Variants in CLK3 observed in about 807,000 individuals in gnomAD.
CLK3 encodes the protein CDC like kinase 3.
CLK3 carries 24 observed loss-of-function variants against 65.2 expected under a neutral mutation model. That is an observed-to-expected ratio of 0.37 (90% confidence interval 0.27 to 0.52). CLK3 has a LOEUF of 0.52. CLK3 is among the 20% of genes least tolerant of loss of function. The pLI, the probability that CLK3 is intolerant of heterozygous loss-of-function variation, is 0.92. For synonymous variants in CLK3, 252 were observed against 240.8 expected (o/e 1.05, Z -0.43); for missense variants, 506 against 660.0 (o/e 0.77, Z 2.56).
chr15:74,629,428 G>A (rs534169590), intron 12 of CLK3: 16 of 548,114 alleles, frequency 2.9e-5, no homozygotes, highest in East Asian at 2.2e-4. Context: ...AGTGAATTTC[G>A]CAGAGGTGAT....
At chr15:74,617,127 A>G (rs543088155) in intron 1 of CLK3, among the ~76,000 whole-genome samples, 1 of 152,310 alleles carries the variant, frequency 6.6e-6, no homozygotes, top group South Asian at 2.1e-4. Context: ...GTGGTACCTT[A>G]TAACTCTCAT....
chr15:74,624,898 C>T lies in CLK3; in HGVS notation c.534-4C>T, dbSNP rs895666393. On this transcript the variant is annotated splice_region_variant and splice_polypyrimidine_tract_variant and intron_variant, in intron 5 of 12. Transcript: ENST00000395066. The surrounding 1 kb of genome is among the most constrained non-coding windows in gnomAD (Gnocchi z 4.2). ...AGAACCTCTGTTTCCTTCCCGGGTA[C>T]CAGAGGGAAGTCTCAGGTTGCCCTG... The T allele has an allele frequency of 5.6e-6, 9 of 1,596,640 alleles. No individual in the cohort carries two copies. In the East Asian group the frequency reaches 2.0e-4, roughly 36 times the overall value.
At position 74,627,310 on chromosome 15, in the gene CLK3, G is replaced by C; in HGVS notation, c.818-42G>C. ...TGGCCTAGAGCTGGCAGGAGAGCCA[G>C]CTTCTCAGTGCCTACTTCCCCTTCT... On this transcript the variant is annotated intron_variant, in intron 7 of 12. Coordinates refer to ENST00000395066, the MANE Select transcript of CLK3 (RefSeq NM_001130028.2). This position sits in a 1 kb window ranked among gnomAD's most constrained non-coding sequence, Gnocchi z 4.3. The C allele has an allele frequency of 6.6e-7, 1 of 1,523,666 alleles. No individual in the cohort carries two copies. The highest frequency in any genetic ancestry group is 9.1e-7 in the Non-Finnish European group (1 of 1,097,950). The allele number at this position is 1,523,666 out of a possible 1,614,324, so 94.4% of individuals were successfully genotyped here. A position where few individuals can be genotyped will look rare whatever the true frequency, so the allele number is the denominator to read the frequency against.
chr15:74,619,937 C>A, intron 2 of CLK3, 72 bp from the exon 3 acceptor site: 2 of 1,604,584 alleles, frequency 1.2e-6, no homozygotes, highest in Admixed American at 1.7e-5. Context: ...TTTACAGTGG[C>A]CTTACCACAG....
chr15:74,615,427 T>G, upstream of CLK3: 1 of 1,267,784 alleles, frequency 7.9e-7, no homozygotes, highest in East Asian at 3.1e-5. Flanking sequence ...CTCAGGCCGC[T>G]CTCGCGCTCT....
chr15:74,629,104 G>GAGAC, intron 12 of CLK3, 72 bp downstream of exon 12: 1 of 1,170,054 alleles, frequency 8.5e-7, no homozygotes, highest in South Asian at 1.2e-5. Context: ...ACATACAGCA[G>GAGAC]AGACAGGCCA....
chr15:74,622,806 C>T lies in CLK3; in HGVS notation c.533+246C>T, dbSNP rs1389422313. Among the ~76,000 whole-genome samples, 1 of 152,204 alleles carries T rather than the reference C, an allele frequency of 6.6e-6. No individual in the cohort carries two copies. The highest frequency in any genetic ancestry group is 1.5e-5 in the Non-Finnish European group (1 of 68,040). ...AATTGTTGGTCAGTGAAAGGTTCTG[C>T]TCCAATCTCTTCACTTCTCCAGGGC... is the stretch of plus-strand genomic sequence containing the variant. On this transcript the variant is annotated intron_variant, in intron 5 of 12. Transcript: ENST00000395066. The surrounding 1 kb of genome is among the most constrained non-coding windows in gnomAD (Gnocchi z 4.6).
At chr15:74,615,820 G>A, upstream of CLK3, 2 of 1,247,230 alleles carry the variant, frequency 1.6e-6, no homozygotes, top group South Asian at 3.4e-5. Flanking sequence ...GGCTGCCACG[G>A]GCGGAGGTCG....
Position 74,621,718 on chromosome 15 carries a change from C to G in CLK3, c.370-402C>G, listed in dbSNP as rs2062105014. ...CATCTTCCGCTCTGGCCCAAAGCCA[C>G]ATGGGAGGGTCTGGGAGGGAGAGAC... On this transcript the variant is annotated intron_variant, in intron 3 of 12. Transcript: ENST00000395066. The surrounding 1 kb of genome is among the most constrained non-coding windows in gnomAD (Gnocchi z 4.8). The G allele has an allele frequency of 2.9e-6, 1 of 345,908 alleles. No homozygotes were observed. Among genetic ancestry groups the G allele is most frequent in the South Asian group, 2.2e-5 (1 of 44,770 alleles). 21.4% of individuals were successfully genotyped at this position (345,908 alleles called of 1,614,324 possible).
chr15:74,623,158 A>C (rs956814767), intron 5 of CLK3, among the ~76,000 whole-genome samples: 1 of 152,212 alleles, frequency 6.6e-6, no homozygotes, highest in Non-Finnish European at 1.5e-5. Context: ...TCCCAAGCCC[A>C]ACAGTACAAT....
chr15:74,629,589 C>T (rs2062176531), intron 12 of CLK3, 118 bp from the exon 13 acceptor site: 1 of 721,052 alleles, frequency 1.4e-6, no homozygotes, highest in Non-Finnish European at 2.4e-6. Context: ...TAGAGTCCTC[C>T]AAGGAGGCAT....
chr15:74,617,362 A>G (rs770941307), intron 1 of CLK3, among the ~76,000 whole-genome samples: 2 of 152,236 alleles, frequency 1.3e-5, no homozygotes, highest in African/African-American at 2.4e-5. Flanking sequence ...TGGAACTTTC[A>G]GATGTTCATG....
chr15:74,621,683 G>A lies in CLK3; in HGVS notation c.370-437G>A, dbSNP rs148636466. 847 of 319,692 alleles carry A rather than the reference G, an allele frequency of 2.6e-3. 10 individuals carry two copies. Among genetic ancestry groups the A allele is most frequent in the East Asian group, 0.025 (306 of 12,306 alleles). 19.8% of individuals were successfully genotyped at this position (319,692 alleles called of 1,614,324 possible). Reference sequence around the variant, plus strand: ...GGGCCAGCTGCCTTCTTGCGCCGCCGTTCTCACTGCATCTTCCGCTCTGGC... The same window carrying A: ...GGGCCAGCTGCCTTCTTGCGCCGCCATTCTCACTGCATCTTCCGCTCTGGC... On this transcript the variant is annotated intron_variant, in intron 3 of 12. Transcript: ENST00000395066. The surrounding 1 kb of genome is among the most constrained non-coding windows in gnomAD (Gnocchi z 4.8).
chr15:74,621,680 G>A lies in CLK3; in HGVS notation c.370-440G>A, dbSNP rs1017113877. The A allele has an allele frequency of 2.9e-5, 9 of 315,158 alleles. No homozygotes were observed. Among genetic ancestry groups the A allele is most frequent in the African/African-American group, 8.7e-5 (4 of 46,162 alleles). 19.5% of individuals were successfully genotyped at this position (315,158 alleles called of 1,614,324 possible). A position where few individuals can be genotyped will look rare whatever the true frequency, so the allele number is the denominator to read the frequency against. On this transcript the variant is annotated intron_variant, in intron 3 of 12. Coordinates refer to ENST00000395066, the MANE Select transcript of CLK3 (RefSeq NM_001130028.2). The surrounding 1 kb of genome is among the most constrained non-coding windows in gnomAD (Gnocchi z 4.8). ...GCGGGGCCAGCTGCCTTCTTGCGCC[G>A]CCGTTCTCACTGCATCTTCCGCTCT...
At chr15:74,616,970 CTGTT>C (rs2062065405) in intron 1 of CLK3, among the ~76,000 whole-genome samples, 1 of 152,172 alleles carries the variant, frequency 6.6e-6, no homozygotes, top group African/African-American at 2.4e-5. Context: ...TTTAAACAAG[CTGTT>C]TGCTGAGGTT....
Position 74,630,069 on chromosome 15 carries a change from G to C in CLK3, c.*186G>C. ...GCCAGAAAGCACAGATTTGACCCAA[G>C]CTATTTATATGTTATAAAGTTATAA... On this transcript the variant is annotated 3_prime_UTR_variant, in exon 13 of 13. Coordinates refer to ENST00000395066, the MANE Select transcript of CLK3 (RefSeq NM_001130028.2). The C allele has an allele frequency of 1.7e-6, 1 of 597,890 alleles. No individual in the cohort carries two copies. Among genetic ancestry groups the C allele is most frequent in the Non-Finnish European group, 3.0e-6 (1 of 337,120 alleles). 37.0% of individuals were successfully genotyped at this position (597,890 alleles called of 1,614,324 possible). A position where few individuals can be genotyped will look rare whatever the true frequency, so the allele number is the denominator to read the frequency against.
At chr15:74,612,736 C>T (rs1046692682), upstream of CLK3, among the ~76,000 whole-genome samples, 4 of 152,200 alleles carry the variant, frequency 2.6e-5, no homozygotes, top group Admixed American at 2.6e-4. Context: ...AAATTGTCTC[C>T]CCTCCAAAAT....
chr15:74,614,114 A>C (rs1815408001), upstream of CLK3, among the ~76,000 whole-genome samples: 1 of 152,158 alleles, frequency 6.6e-6, no homozygotes, highest in Admixed American at 6.5e-5. Flanking sequence ...CCCGGGTTTA[A>C]GTGATTCTCC....
At chr15:74,620,423 T>A (rs569405771) in intron 3 of CLK3, 198 bp downstream of exon 3, 1 of 734,094 alleles carries the variant, frequency 1.4e-6, no homozygotes, top group Non-Finnish European at 2.2e-6. Flanking sequence ...CTTCTGGCTC[T>A]TTCCAGTGGC....
Sources: allele counts gnomAD v4.1 joint callset (sites outside exome capture counted in the v4.1 genomes callset), GRCh38; gene constraint gnomAD v4.1.1; non-coding constraint Gnocchi (gnomAD v3.1); transcripts MANE v1.5; gene names NCBI Gene and HGNC (gene_info 2026-07-23, HGNC 2026-07-21).